MYO5B: variants seen among roughly 807,000 people sequenced by gnomAD.
MYO5B encodes unconventional myosin-Vb.
A neutral mutation model predicts 229.3 loss-of-function variants in MYO5B; 143 were observed. The ratio of observed to expected loss-of-function variants is 0.62; its 90% CI spans 0.54 to 0.72. The LOEUF (loss-of-function observed/expected upper bound fraction) is 0.72, where lower values mean the gene tolerates loss of function less well. Among genes scored for constraint, MYO5B ranks in the 30% least tolerant of loss-of-function variants. The pLI, the probability that MYO5B is intolerant of heterozygous loss-of-function variation, is 0.00. For missense variants in MYO5B, 2,321 were observed against 2,331.0 expected, an observed-to-expected ratio of 1.00 and a Z score of 0.09; for synonymous variants, 918 against 885.2, an observed-to-expected ratio of 1.04 and a Z score of -0.66.
intron 17 of MYO5B, among the ~76,000 whole-genome samples, chr18:49,924,948 T>A (rs1049965343): frequency 6.6e-6 from 1 of 151,998 alleles, no homozygotes; most frequent in South Asian, 2.1e-4. Context: ...ACAAAAACAG[T>A]ATATTGGTCA....
intron 22 of MYO5B, 63 bp downstream of exon 22, chr18:49,894,878 G>C: frequency 7.1e-7 from 1 of 1,405,452 alleles, no homozygotes; most frequent in Non-Finnish European, 1.0e-6. Flanking sequence ...TGCTCTCTGA[G>C]AGGTGGCTCC....
chr18:49,826,608 G>T lies in MYO5B; in HGVS notation c.5410C>A (p.Arg1804=), dbSNP rs771842098. 1.9e-6 allele frequency: 3 copies of T among 1,613,242 alleles called. No homozygotes were observed. Among genetic ancestry groups the T allele is most frequent in the South Asian group, 1.1e-5 (1 of 91,056 alleles). The change falls in exon 40 of 40, where the codon CGG becomes AGG. Residue 1804 remains arginine (R), a synonymous_variant. Transcript: ENST00000285039. ...AATAGCAGTTGCTGAGGGTCATTCC[G>T]CTCTTGTAGTTGTGCCTATGGGGAA... is the stretch of plus-strand genomic sequence containing the variant. ...IRTIQAQLQE[R]NDPQQLLLDA... is the part of the protein sequence containing the mutation.
intron 9 of MYO5B, among the ~76,000 whole-genome samples, chr18:49,975,335 T>A (rs1598924688): frequency 6.6e-6 from 1 of 152,138 alleles, no homozygotes; most frequent in Non-Finnish European, 1.5e-5. Flanking sequence ...CTCTTCTGGG[T>A]GGGTAGCTTA....
intron 1 of MYO5B, among the ~76,000 whole-genome samples, chr18:50,172,549 G>C (rs1024963235): frequency 6.6e-6 from 1 of 152,150 alleles, no homozygotes; most frequent in Non-Finnish European, 1.5e-5. Flanking sequence ...CAATGATACT[G>C]AAAGATCTGT....
intron 1 of MYO5B, among the ~76,000 whole-genome samples, chr18:50,101,643 C>T (rs1450385476): frequency 6.6e-6 from 1 of 152,098 alleles, no homozygotes. Flanking sequence ...ATAAAAAAGG[C>T]TCAACATCAC....
chr18:50,123,275 G>A (rs2032100976), intron 1 of MYO5B, among the ~76,000 whole-genome samples: 1 of 152,170 alleles, frequency 6.6e-6, no homozygotes, highest in African/African-American at 2.4e-5. Context: ...GCTACCAGGG[G>A]CCAACAGGAG....
At chr18:49,937,188 C>A in intron 15 of MYO5B, 57 bp downstream of exon 15, 1 of 1,601,802 alleles carries the variant, frequency 6.2e-7, no homozygotes. Context: ...CCTTCATCTA[C>A]AGAGAGGCCA....
intron 1 of MYO5B, among the ~76,000 whole-genome samples, chr18:50,142,434 G>C (rs888944168): frequency 3.9e-5 from 6 of 152,186 alleles, no homozygotes; most frequent in African/African-American, 1.2e-4. Context: ...AGATATTCAT[G>C]AGCAACCAAA....
intron 1 of MYO5B, among the ~76,000 whole-genome samples, chr18:50,105,559 A>G (rs1250638089): frequency 6.6e-6 from 1 of 152,198 alleles, no homozygotes; most frequent in Non-Finnish European, 1.5e-5. Context: ...AAGCGGAACT[A>G]TAGTGATGGA....
At chr18:50,105,387 C>G (rs1271655746) in intron 1 of MYO5B, among the ~76,000 whole-genome samples, 2 of 152,014 alleles carry the variant, frequency 1.3e-5, no homozygotes, top group Non-Finnish European at 2.9e-5. Flanking sequence ...GAGTCTTAAA[C>G]AATTACTTTC....
At chr18:50,017,204 A>C (rs1329336202) in intron 4 of MYO5B, among the ~76,000 whole-genome samples, 2 of 151,780 alleles carry the variant, frequency 1.3e-5, no homozygotes, top group African/African-American at 2.4e-5. Flanking sequence ...TGCAACCTCC[A>C]CTTCCTGGGC....
At chr18:50,108,495 A>G (rs1568109687) in intron 1 of MYO5B, among the ~76,000 whole-genome samples, 1 of 152,154 alleles carries the variant, frequency 6.6e-6, no homozygotes, top group Non-Finnish European at 1.5e-5. Flanking sequence ...TTAACATCGA[A>G]TCAGCTGAGT....
chr18:49,835,300 T>C (rs1404814981), intron 39 of MYO5B, 44 bp downstream of exon 39: 4 of 1,414,728 alleles, frequency 2.8e-6, no homozygotes, highest in South Asian at 1.2e-5. Context: ...ATTTCCTTTA[T>C]AGTCGTAGAC....
intron 1 of MYO5B, among the ~76,000 whole-genome samples, chr18:50,149,750 AT>A (rs1213339371): frequency 6.6e-6 from 1 of 152,198 alleles, no homozygotes; most frequent in Non-Finnish European, 1.5e-5. Context: ...AAACCTAGGC[AT>A]TACCATTCAG....
At position 50,179,557 on chromosome 18, in the gene MYO5B, C is replaced by T. The variant is rs138971821; in HGVS notation, c.27+15210G>A. ...TAGTGGAGCCAATCTAAACTGGAAC[C>T]AGAGACTCAGAAAGGGCATTAAAAC... is the stretch of plus-strand genomic sequence containing the variant. On this transcript the variant is annotated intron_variant, in intron 1 of 39. Transcript: ENST00000285039. 4.6e-3 allele frequency among the ~76,000 whole-genome samples: 704 copies of T among 152,244 alleles called. 7 individuals are homozygous for T. The highest frequency in any genetic ancestry group is 7.2e-3 in the Non-Finnish European group (488 of 68,022).
At chr18:50,075,209 C>G (rs1194944119) in intron 1 of MYO5B, among the ~76,000 whole-genome samples, 1 of 152,050 alleles carries the variant, frequency 6.6e-6, no homozygotes, top group African/African-American at 2.4e-5. Context: ...TGTCCTTGCC[C>G]CAGTGCTAAT....
intron 2 of MYO5B, among the ~76,000 whole-genome samples, chr18:50,040,857 C>T (rs9945639): frequency 0.98 from 148,949 of 152,322 alleles, 72,922 homozygotes; most frequent in East Asian, 1. Context: ...GAGTTTGAGA[C>T]ATATGTGCAT....
At chr18:49,878,013 G>GA in intron 24 of MYO5B, 131 bp from the exon 25 acceptor site, 1 of 1,100,616 alleles carries the variant, frequency 9.1e-7, no homozygotes, top group Middle Eastern at 2.0e-4. Flanking sequence ...TTGCTTCTTG[G>GA]AATGATGGCT....
rs116929710 is a variant in MYO5B at position 50,107,663 on chromosome 18, C to A, written c.28-52285G>T. On this transcript the variant is annotated intron_variant, in intron 1 of 39. Coordinates refer to ENST00000285039, the MANE Select transcript of MYO5B (RefSeq NM_001080467.3). The stretch of plus-strand genomic sequence containing the variant: ...TCCAGCACTGTTTCCGGTTTTCATG[C>A]CACACAGCACTACACATCTGTGGAG... Among the ~76,000 whole-genome samples the A allele has an allele frequency of 3.7e-3, 567 of 152,302 alleles. 4 individuals carry two copies. The highest frequency in any genetic ancestry group is 4.1e-3 in the Non-Finnish European group (276 of 68,036).
Sources: allele counts gnomAD v4.1 joint callset (sites outside exome capture counted in the v4.1 genomes callset), GRCh38; gene constraint gnomAD v4.1.1; transcripts MANE v1.5; gene names NCBI Gene and HGNC (gene_info 2026-07-23, HGNC 2026-07-21).